The following OLA1 variants were observed in gnomAD, a reference collection of about 807,000 sequenced individuals.
OLA1 encodes the protein Obg like ATPase 1.
In OLA1, 14 loss-of-function variants were observed where a neutral mutation model predicts 48.4. The ratio of observed to expected loss-of-function variants is 0.29; its 90% CI spans 0.19 to 0.45. The LOEUF (loss-of-function observed/expected upper bound fraction) is 0.45, where lower values mean the gene tolerates loss of function less well. OLA1 is among the 20% of genes least tolerant of loss of function. The pLI is 1.00. For synonymous variants in OLA1, 127 were observed against 150.4 expected, an observed-to-expected ratio of 0.84 and a Z score of 1.14; for missense variants, 325 against 467.1, an observed-to-expected ratio of 0.70 and a Z score of 2.80.
At chr2:174,140,053 AGAAACTG>A (rs2105379294) in intron 5 of OLA1, among the ~76,000 whole-genome samples, 1 of 152,248 alleles carries the variant, frequency 6.6e-6, no homozygotes, top group South Asian at 2.1e-4. Context: ...ATCCAAATCT[AGAAACTG>A]GAAACTTAAT....
At chr2:174,233,475 G>A (rs1461666369) in intron 2 of OLA1, among the ~76,000 whole-genome samples, 8 of 152,194 alleles carry the variant, frequency 5.3e-5, no homozygotes, top group Non-Finnish European at 1.2e-4. Flanking sequence ...CTGGGTTCAA[G>A]CGATTCTCAT....
chr2:174,231,263 A>T (rs1688722851), intron 2 of OLA1, among the ~76,000 whole-genome samples: 1 of 152,268 alleles, frequency 6.6e-6, no homozygotes. Flanking sequence ...TAATGAAAAT[A>T]TTGTATACCT....
At chr2:174,093,077 G>C (rs1012671240) in intron 7 of OLA1, among the ~76,000 whole-genome samples, 1 of 152,164 alleles carries the variant, frequency 6.6e-6, no homozygotes, top group Non-Finnish European at 1.5e-5. Context: ...GCCTCCAGCA[G>C]GTTACATTTT....
intron 4 of OLA1, among the ~76,000 whole-genome samples, chr2:174,144,112 T>C (rs1270137858): frequency 1.3e-5 from 2 of 152,012 alleles, no homozygotes; most frequent in African/African-American, 4.8e-5. Context: ...CAAGACCTTG[T>C]CAAGCAAAAA....
intron 7 of OLA1, among the ~76,000 whole-genome samples, chr2:174,114,215 G>A (rs548492528): frequency 1.3e-5 from 2 of 149,004 alleles, no homozygotes; most frequent in South Asian, 4.3e-4. Context: ...GGTGGCGGGC[G>A]CCTGTAGTCC....
intron 4 of OLA1, among the ~76,000 whole-genome samples, chr2:174,211,098 C>G (rs1220332971): frequency 6.6e-6 from 1 of 151,778 alleles, no homozygotes; most frequent in South Asian, 2.1e-4. Flanking sequence ...AAGTCAGTTG[C>G]GTGCAAAGAA....
At chr2:174,178,197 A>G (rs1034564753) in intron 4 of OLA1, among the ~76,000 whole-genome samples, 14 of 152,058 alleles carry the variant, frequency 9.2e-5, no homozygotes, top group Non-Finnish European at 2.9e-5. Context: ...ATTAATGTTC[A>G]GTATTTATTA....
At chr2:174,149,760 G>A (rs1375957295) in intron 4 of OLA1, among the ~76,000 whole-genome samples, 1 of 152,140 alleles carries the variant, frequency 6.6e-6, no homozygotes, top group Non-Finnish European at 1.5e-5. Flanking sequence ...TAAATGGACT[G>A]AAGATTAATC....
intron 7 of OLA1, among the ~76,000 whole-genome samples, chr2:174,097,405 T>C (rs908749186): frequency 6.6e-6 from 1 of 152,186 alleles, no homozygotes; most frequent in African/African-American, 2.4e-5. Context: ...TTCAGTGACA[T>C]ACATAAAACT....
intron 2 of OLA1, among the ~76,000 whole-genome samples, chr2:174,235,389 C>A (rs930077217): frequency 1.3e-5 from 2 of 152,244 alleles, no homozygotes; most frequent in Non-Finnish European, 2.9e-5. Flanking sequence ...GATTTAAATT[C>A]ATTTAAAATG....
chr2:174,144,930 T>TTAAAAAAA lies in OLA1; in HGVS notation c.374-2931_374-2930insTTTTTTTA, dbSNP rs1419953706. On this transcript the variant is annotated intron_variant, in intron 4 of 10. Transcript: ENST00000284719. The stretch of plus-strand genomic sequence containing the variant: ...CTGGGCGACAGAGTAAGACCCTGTT[T>TTAAAAAAA]AAAAAAAAAAAAAAAAAAAAAATAT... Among the ~76,000 whole-genome samples the TTAAAAAAA allele has an allele frequency of 1.9e-4, 8 of 41,114 alleles. 2 individuals are homozygous for TTAAAAAAA. The highest frequency in any genetic ancestry group is 8.6e-4 in the African/African-American group (8 of 9,294). The allele number at this position is 41,114 out of a possible 152,430, so 27.0% of individuals were successfully genotyped here. A position where few individuals can be genotyped will look rare whatever the true frequency, so the allele number is the denominator to read the frequency against.
chr2:174,143,884 A>G (rs1265095984), intron 4 of OLA1, among the ~76,000 whole-genome samples: 1 of 152,126 alleles, frequency 6.6e-6, no homozygotes, highest in East Asian at 1.9e-4. Flanking sequence ...TGGGAGGATC[A>G]CTTGAGCCCA....
At chr2:174,191,184 C>T (rs866335075) in intron 4 of OLA1, among the ~76,000 whole-genome samples, 11 of 151,946 alleles carry the variant, frequency 7.2e-5, no homozygotes, top group East Asian at 3.9e-4. Context: ...CAATCCACAA[C>T]GTATACATAT....
chr2:174,217,901 G>A (rs1688403541), intron 4 of OLA1: 4 of 152,138 alleles, frequency 2.6e-5, no homozygotes, highest in South Asian at 2.1e-4. Flanking sequence ...CACATTTGCT[G>A]CAAACTGGGC....
At chr2:174,158,541 A>T (rs1162449575) in intron 4 of OLA1, among the ~76,000 whole-genome samples, 1 of 152,126 alleles carries the variant, frequency 6.6e-6, no homozygotes, top group East Asian at 1.9e-4. Context: ...CATAAATAAG[A>T]ATGCAGTGTA....
intron 4 of OLA1, among the ~76,000 whole-genome samples, chr2:174,194,429 C>A (rs905249987): frequency 4.6e-5 from 7 of 152,226 alleles, no homozygotes; most frequent in Admixed American, 1.3e-4. Context: ...CTCCTCCATC[C>A]CCATAGGCAC....
intron 1 of OLA1, chr2:174,247,899 T>C (rs1250625036): frequency 4.3e-5 from 49 of 1,151,076 alleles, no homozygotes; most frequent in Non-Finnish European, 2.4e-6. Flanking sequence ...CAAAGTGAAA[T>C]CACAAAGACC....
intron 4 of OLA1, among the ~76,000 whole-genome samples, chr2:174,208,491 C>T (rs1307793556): frequency 6.6e-6 from 1 of 152,170 alleles, no homozygotes. Context: ...TTCCTCTCAC[C>T]TCAGAAGAAT....
chr2:174,194,750 C>A (rs1041549706), intron 4 of OLA1, among the ~76,000 whole-genome samples: 1 of 152,038 alleles, frequency 6.6e-6, no homozygotes, highest in Non-Finnish European at 1.5e-5. Flanking sequence ...GAAAGAAGAG[C>A]CAATTTCTTC....
Sources: gnomAD v4.1 joint callset for allele counts (sites outside exome capture counted in the v4.1 genomes callset) on GRCh38, gnomAD v4.1.1 for gene constraint, MANE v1.5 for transcripts, NCBI Gene and HGNC (gene_info 2026-07-23, HGNC 2026-07-21) for gene names.